GABRA3: variants seen among roughly 807,000 people sequenced by gnomAD.
GABRA3 encodes the protein gamma-aminobutyric acid type A receptor subunit alpha3.
In GABRA3, 10 loss-of-function variants were observed where a neutral mutation model predicts 30.1. The observed-to-expected ratio is 0.33, with a 90% CI of 0.20 to 0.56. GABRA3 has a LOEUF of 0.56. Among genes scored for constraint, GABRA3 ranks in the 20% least tolerant of loss-of-function variants. The pLI is 0.89. For synonymous variants in GABRA3, 151 were observed against 146.8 expected (o/e 1.03, Z -0.21); for missense variants, 233 against 392.0 (o/e 0.59, Z 3.42).
chrX:152,177,877 A>T (rs1158152808), intron 9 of GABRA3, among the ~76,000 whole-genome samples: 1 of 112,055 alleles, frequency 8.9e-6, no homozygotes, highest in African/African-American at 3.2e-5. Context: ...GAAGAAAAAT[A>T]GAGTGATAAA....
intron 5 of GABRA3, among the ~76,000 whole-genome samples, chrX:152,235,839 A>G (rs1938192227): frequency 9.0e-6 from 1 of 110,918 alleles, no homozygotes; most frequent in African/African-American, 3.3e-5. Flanking sequence ...GACATTTTTC[A>G]CAGAAATAGA....
At chrX:152,240,103 A>G (rs1254099624) in intron 5 of GABRA3, among the ~76,000 whole-genome samples, 4 of 98,167 alleles carry the variant, frequency 4.1e-5, no homozygotes, top group Non-Finnish European at 7.9e-5. Context: ...TGGTCTTTAC[A>G]TTTTGGCATG....
intron 9 of GABRA3, among the ~76,000 whole-genome samples, chrX:152,172,260 A>G (rs977012129): frequency 6.3e-5 from 7 of 111,779 alleles, no homozygotes; most frequent in Non-Finnish European, 1.3e-4. Context: ...ACCCCACCTC[A>G]CATTATGATG....
At chrX:152,237,371 C>A (rs1337537413) in intron 5 of GABRA3, among the ~76,000 whole-genome samples, 1 of 106,427 alleles carries the variant, frequency 9.4e-6, no homozygotes, top group African/African-American at 3.5e-5. Context: ...GTTTTGGTAC[C>A]AGTACCATGC....
At chrX:152,392,596 C>T (rs1437305155) in intron 1 of GABRA3, among the ~76,000 whole-genome samples, 2 of 111,198 alleles carry the variant, frequency 1.8e-5, no homozygotes, top group Non-Finnish European at 1.9e-5. Context: ...AAGTGGAGAC[C>T]TCATAGATGG....
chrX:152,267,481 G>C (rs1311801027), intron 4 of GABRA3, among the ~76,000 whole-genome samples: 1 of 111,267 alleles, frequency 9.0e-6, no homozygotes, highest in Non-Finnish European at 1.9e-5. Context: ...TTCTTTTTTT[G>C]TGGCCTTGTA....
intron 3 of GABRA3, among the ~76,000 whole-genome samples, chrX:152,293,540 G>T (rs1396453113): frequency 9.0e-6 from 1 of 111,030 alleles, no homozygotes; most frequent in African/African-American, 3.3e-5. Flanking sequence ...TTTAATTGGG[G>T]CGTTTAGTCC....
chrX:152,263,429 A>G (rs1206555070), intron 4 of GABRA3, among the ~76,000 whole-genome samples: 1 of 110,482 alleles, frequency 9.1e-6, no homozygotes, highest in East Asian at 2.9e-4. Flanking sequence ...TGCAATAGGC[A>G]TACTGGAGAA....
chrX:152,279,033 T>G lies in GABRA3; in HGVS notation c.330+5635A>C, dbSNP rs1466305393. Reference sequence around the variant, plus strand: ...TAGCCCTTTGTCAGATGAGTAGATTTCAAAAATTTTCTCCCATTCTGTAGG... The same window carrying G: ...TAGCCCTTTGTCAGATGAGTAGATTGCAAAAATTTTCTCCCATTCTGTAGG... On this transcript the variant is annotated intron_variant, in intron 4 of 9. Coordinates refer to ENST00000370314, the MANE Select transcript of GABRA3 (RefSeq NM_000808.4). 5.4e-5 allele frequency among the ~76,000 whole-genome samples: 6 copies of G among 111,514 alleles called. No individual in the cohort carries two copies. The East Asian group carries it at 8.4e-4, about 16-fold the overall frequency.
intron 6 of GABRA3, among the ~76,000 whole-genome samples, chrX:152,213,679 GATATGAT>G (rs1202319657): frequency 8.9e-6 from 1 of 111,864 alleles, no homozygotes; most frequent in Non-Finnish European, 1.9e-5. Flanking sequence ...TGGGGAAAGG[GATATGAT>G]ATAAGATTGA....
chrX:152,401,772 G>C (rs1929802707), intron 1 of GABRA3, among the ~76,000 whole-genome samples: 1 of 111,594 alleles, frequency 9.0e-6, no homozygotes, highest in Non-Finnish European at 1.9e-5. Flanking sequence ...ATGAATATTT[G>C]CAAGAAATGT....
At chrX:152,409,747 C>T (rs982060566) in intron 1 of GABRA3, among the ~76,000 whole-genome samples, 5 of 112,082 alleles carry the variant, frequency 4.5e-5, no homozygotes, top group Non-Finnish European at 9.4e-5. Flanking sequence ...AGGCAACCCC[C>T]ATACACTGTT....
intron 5 of GABRA3, among the ~76,000 whole-genome samples, chrX:152,247,119 C>T (rs933345651): frequency 8.9e-6 from 1 of 111,799 alleles, no homozygotes; most frequent in South Asian, 3.7e-4. Flanking sequence ...ATTCAAAGCA[C>T]ATAAAACTGA....
intron 1 of GABRA3, among the ~76,000 whole-genome samples, chrX:152,444,943 C>T (rs1931042649): frequency 1.1e-5 from 1 of 91,035 alleles, no homozygotes; most frequent in South Asian, 5.9e-4. Context: ...CGCCTGTAGT[C>T]CCAGCTACTT....
chrX:152,275,383 A>G (rs1939054934), intron 4 of GABRA3, among the ~76,000 whole-genome samples: 1 of 100,759 alleles, frequency 9.9e-6, no homozygotes, highest in Non-Finnish European at 2.0e-5. Flanking sequence ...ATATATTTAC[A>G]TATTTATTTT....
intron 1 of GABRA3, among the ~76,000 whole-genome samples, chrX:152,424,019 T>TG (rs1280441466): frequency 9.0e-6 from 1 of 111,648 alleles, no homozygotes; most frequent in Non-Finnish European, 1.9e-5. Flanking sequence ...TTTAGGGTTG[T>TG]GGGAAAAGAA....
At chrX:152,183,290 G>A (rs182812958) in intron 9 of GABRA3, among the ~76,000 whole-genome samples, 2 of 110,433 alleles carry the variant, frequency 1.8e-5, no homozygotes, top group East Asian at 5.7e-4. Flanking sequence ...GTCTTAGCAG[G>A]TGATGTATGT....
At chrX:152,304,593 G>T (rs1159886978) in intron 3 of GABRA3, among the ~76,000 whole-genome samples, 1 of 111,805 alleles carries the variant, frequency 8.9e-6, no homozygotes, top group Non-Finnish European at 1.9e-5. Flanking sequence ...CTTTGTTGAA[G>T]ATCAGATGGT....
intron 1 of GABRA3, among the ~76,000 whole-genome samples, chrX:152,401,272 A>G (rs937970055): frequency 5.9e-5 from 6 of 100,989 alleles, no homozygotes; most frequent in Non-Finnish European, 1.2e-4. Flanking sequence ...GTGTGTATAT[A>G]TATATATATA....
Sources: allele counts gnomAD v4.1 joint callset (sites outside exome capture counted in the v4.1 genomes callset), GRCh38; gene constraint gnomAD v4.1.1; transcripts MANE v1.5; gene names NCBI Gene and HGNC (gene_info 2026-07-23, HGNC 2026-07-21).